Variants in TNIK observed in about 807,000 individuals in gnomAD.
The protein encoded by TNIK is TRAF2 and NCK interacting kinase.
A neutral mutation model predicts 191.3 loss-of-function variants in TNIK; 49 were observed. The ratio of observed to expected loss-of-function variants is 0.26; its 90% CI spans 0.20 to 0.32. The LOEUF (loss-of-function observed/expected upper bound fraction) is 0.32, where lower values mean the gene tolerates loss of function less well. Ranked by LOEUF, TNIK falls within the 10% of genes least tolerant of loss-of-function variation. TNIK has a pLI of 1.00. For synonymous variants in TNIK, 594 were observed against 600.9 expected, an observed-to-expected ratio of 0.99 and a Z score of 0.17; for missense variants, 1,155 against 1,702.3, an observed-to-expected ratio of 0.68 and a Z score of 5.66.
intron 1 of TNIK, among the ~76,000 whole-genome samples, chr3:171,447,087 A>G (rs1198398864): frequency 6.6e-6 from 1 of 152,194 alleles, no homozygotes; most frequent in Non-Finnish European, 1.5e-5. Flanking sequence ...GCTACTCAGG[A>G]GGCTGAGGCG....
At chr3:171,312,986 C>G (rs936891699) in intron 2 of TNIK, among the ~76,000 whole-genome samples, 1 of 152,086 alleles carries the variant, frequency 6.6e-6, no homozygotes, top group Non-Finnish European at 1.5e-5. Flanking sequence ...AACTTCTCCA[C>G]GTGGATCTCG....
intron 2 of TNIK, among the ~76,000 whole-genome samples, chr3:171,238,409 G>T (rs1744563955): frequency 6.6e-6 from 1 of 150,814 alleles, no homozygotes; most frequent in Non-Finnish European, 1.5e-5. Context: ...TTAAAAACTA[G>T]TTTTTTTTTA....
intron 11 of TNIK, among the ~76,000 whole-genome samples, chr3:171,158,787 G>C (rs922143658): frequency 2.4e-4 from 37 of 152,292 alleles, no homozygotes; most frequent in African/African-American, 8.9e-4. Context: ...ACAGTGGCTG[G>C]GAGCTGAGGT....
chr3:171,291,599 G>C lies in TNIK; in HGVS notation c.124-63378C>G, dbSNP rs922287169. Among the ~76,000 whole-genome samples, 4 of 152,126 alleles carry C rather than the reference G, an allele frequency of 2.6e-5. No individual in the cohort carries two copies. In the East Asian group the frequency reaches 7.7e-4, roughly 29 times the overall value. Reference sequence around the variant, plus strand: ...TGCTGGCCTTCATAGCTCCAGATGCGTGTCCATGATCATTTAAATCAGTTA... The same window carrying C: ...TGCTGGCCTTCATAGCTCCAGATGCCTGTCCATGATCATTTAAATCAGTTA... On this transcript the variant is annotated intron_variant, in intron 2 of 32. Transcript: ENST00000436636.
intron 2 of TNIK, among the ~76,000 whole-genome samples, chr3:171,263,496 G>A (rs1232454696): frequency 6.6e-6 from 1 of 152,102 alleles, no homozygotes; most frequent in East Asian, 1.9e-4. Flanking sequence ...AAATTTCAAT[G>A]ATGTTGCCTT....
chr3:171,218,436 T>A (rs1741723600), intron 3 of TNIK, among the ~76,000 whole-genome samples: 1 of 152,014 alleles, frequency 6.6e-6, no homozygotes, highest in South Asian at 2.1e-4. Flanking sequence ...ATGTCACTCA[T>A]GTGGCTAAAG....
At chr3:171,315,794 CTCT>C (rs1176869833) in intron 2 of TNIK, among the ~76,000 whole-genome samples, 1 of 152,126 alleles carries the variant, frequency 6.6e-6, no homozygotes, top group Non-Finnish European at 1.5e-5. Context: ...GTCTTTTCTC[CTCT>C]TCTTATTGAA....
intron 9 of TNIK, among the ~76,000 whole-genome samples, chr3:171,171,421 G>T (rs959796071): frequency 5.3e-5 from 8 of 151,958 alleles, no homozygotes; most frequent in African/African-American, 1.9e-4. Context: ...CTGGGTCCAG[G>T]CTGGTTCTCC....
At chr3:171,196,390 C>T (rs1018936051) in intron 4 of TNIK, among the ~76,000 whole-genome samples, 6 of 151,858 alleles carry the variant, frequency 4.0e-5, no homozygotes, top group East Asian at 1.9e-4. Flanking sequence ...GGTATAAGAA[C>T]GCATATTACC....
intron 15 of TNIK, among the ~76,000 whole-genome samples, chr3:171,135,290 A>G (rs1027249264): frequency 2.6e-5 from 4 of 152,208 alleles, no homozygotes; most frequent in Non-Finnish European, 5.9e-5. Context: ...TAAAAAGTTC[A>G]TACACTGCTG....
chr3:171,168,918 T>G (rs115797598), intron 9 of TNIK, among the ~76,000 whole-genome samples: 30 of 152,324 alleles, frequency 2.0e-4, no homozygotes, highest in African/African-American at 7.2e-4. Context: ...CACCTTCAAG[T>G]CTGCACTTTT....
chr3:171,419,941 T>TGACTCTTATAG lies in TNIK; in HGVS notation c.57+40065_57+40066insCTATAAGAGTC, dbSNP rs1723550750. Among the ~76,000 whole-genome samples the TGACTCTTATAG allele has an allele frequency of 2.0e-5, 3 of 152,310 alleles. No homozygotes were observed. In the South Asian group the frequency reaches 6.2e-4, roughly 32 times the overall value. ...TATCCAACAACAGAGTCAGTGCCAC[T>TGACTCTTATAG]TACCTATAAGCTTGCTGTTCTATGA... On this transcript the variant is annotated intron_variant, in intron 1 of 32. Coordinates refer to ENST00000436636, the MANE Select transcript of TNIK (RefSeq NM_015028.4).
chr3:171,409,400 C>T (rs1197044238), intron 1 of TNIK, among the ~76,000 whole-genome samples: 2 of 152,118 alleles, frequency 1.3e-5, no homozygotes, highest in Admixed American at 6.5e-5. Flanking sequence ...ACAACGTGAC[C>T]TCAGTCTACC....
chr3:171,086,380 G>T (rs946842735), intron 24 of TNIK, among the ~76,000 whole-genome samples: 3 of 152,120 alleles, frequency 2.0e-5, no homozygotes, highest in African/African-American at 7.2e-5. Flanking sequence ...AAAGAGGTAG[G>T]GCAGGCACTA....
chr3:171,188,308 T>C lies in TNIK; in HGVS notation c.639+394A>G, dbSNP rs113547552. Among the ~76,000 whole-genome samples, 1,027 of 152,162 alleles carry C rather than the reference T, an allele frequency of 6.7e-3. 7 individuals carry two copies. The highest frequency in any genetic ancestry group is 0.014 in the Admixed American group (210 of 15,280). On this transcript the variant is annotated intron_variant, in intron 7 of 32. Transcript: ENST00000436636. ...TAGAAGTAAGTCAGATTATTCTCAA[T>C]CAGAAAAAGATGACCCAAGACAACA...
chr3:171,248,060 CAG>C lies in TNIK; in HGVS notation c.124-19841_124-19840del, dbSNP rs1745808153. Among the ~76,000 whole-genome samples, 5 of 152,102 alleles carry C rather than the reference CAG, an allele frequency of 3.3e-5. No individual in the cohort carries two copies. In the East Asian group the frequency reaches 9.7e-4, roughly 29 times the overall value. On this transcript the variant is annotated intron_variant, in intron 2 of 32. Transcript: ENST00000436636. Reference sequence around the variant, plus strand: ...AAACAGCAGGAGGAGTCCTCTCACACAGAGGGAAAAGCTTTACATTGAGTTAG... The same window carrying C: ...AAACAGCAGGAGGAGTCCTCTCACACAGGGAAAAGCTTTACATTGAGTTAG...
intron 1 of TNIK, among the ~76,000 whole-genome samples, chr3:171,374,382 A>G (rs963637909): frequency 2.0e-5 from 3 of 152,240 alleles, no homozygotes; most frequent in African/African-American, 7.2e-5. Flanking sequence ...CAGAATGTGC[A>G]GCAAGGAGAG....
rs138610963 is a variant in TNIK at position 171,307,906 on chromosome 3, G to A, written c.123+61714C>T. 6.6e-5 allele frequency among the ~76,000 whole-genome samples: 10 copies of A among 152,126 alleles called. No homozygotes were observed. The East Asian group carries it at 1.3e-3, about 21-fold the overall frequency. On this transcript the variant is annotated intron_variant, in intron 2 of 32. Coordinates refer to ENST00000436636, the MANE Select transcript of TNIK (RefSeq NM_015028.4). ...CAGAGGCTATGTGCCACGAGATGAC[G>A]TTATCACTCTGCAGCTAATGAAATG...
intron 7 of TNIK, among the ~76,000 whole-genome samples, chr3:171,186,669 A>G (rs1474937227): frequency 6.6e-6 from 1 of 152,152 alleles, no homozygotes; most frequent in Non-Finnish European, 1.5e-5. Context: ...TTCTATCAGG[A>G]TTCTTTATTT....
Sources: allele counts gnomAD v4.1 joint callset (sites outside exome capture counted in the v4.1 genomes callset), GRCh38; gene constraint gnomAD v4.1.1; transcripts MANE v1.5; gene names NCBI Gene and HGNC (gene_info 2026-07-23, HGNC 2026-07-21).